Variants in ELAC2 observed in about 807,000 individuals in gnomAD.
ELAC2 encodes zinc phosphodiesterase ELAC protein 2.
Under a neutral mutation model 105.2 loss-of-function variants are expected in ELAC2, and 92 were observed. The ratio of observed to expected loss-of-function variants is 0.87; its 90% confidence interval spans 0.74 to 1.04. ELAC2 has a LOEUF of 1.04. Among genes scored for constraint, ELAC2 ranks in the 50% least tolerant of loss-of-function variants. The probability of loss-of-function intolerance (pLI) is 0.00; values close to 1 mark genes in which losing one functional copy is unlikely to be tolerated. For missense variants in ELAC2, 1,099 were observed against 1,071.7 expected (o/e 1.03, Z -0.36); for synonymous variants, 468 against 409.1 (o/e 1.14, Z -1.74).
intron 6 of ELAC2, 145 bp downstream of exon 6, chr17:13,013,062 T>C: frequency 1.1e-6 from 1 of 882,340 alleles, no homozygotes. Context: ...AGGAGCCATA[T>C]CTTCATTCCT....
At chr17:13,006,982 G>A (rs1437585450) in intron 8 of ELAC2, among the ~76,000 whole-genome samples, 1 of 152,028 alleles carries the variant, frequency 6.6e-6, no homozygotes, top group African/African-American at 2.4e-5. Context: ...TTAGCCGGGT[G>A]TGGTGACGTG....
intron 17 of ELAC2, chr17:12,996,323 C>T: frequency 1.4e-6 from 1 of 700,478 alleles, no homozygotes; most frequent in Non-Finnish European, 2.4e-6. Flanking sequence ...TGGGTAAACT[C>T]AAACCTGTCC....
At chr17:12,995,147 C>T (rs2040407375) in intron 19 of ELAC2, 85 bp from the exon 20 acceptor site, 1 of 1,336,622 alleles carries the variant, frequency 7.5e-7, no homozygotes, top group South Asian at 1.2e-5. Context: ...CTGGAGAACC[C>T]CAAAATCATT....
In ELAC2 at chr17:13,002,614, G is replaced by C; in HGVS notation, c.1080-35C>G. 7 of 1,574,056 alleles carry C rather than the reference G, an allele frequency of 4.4e-6. No individual in the cohort carries two copies. The South Asian group carries it at 8.1e-5, about 18-fold the overall frequency. Reference sequence around the variant, plus strand: ...AACAGACCCGGCATTTGCAGCGTCTGTTAGGAGGCAGCTCCCCCTGAGGAG... The same window carrying C: ...AACAGACCCGGCATTTGCAGCGTCTCTTAGGAGGCAGCTCCCCCTGAGGAG... On this transcript the variant is annotated intron_variant, in intron 12 of 23. Coordinates refer to ENST00000338034, the MANE Select transcript of ELAC2 (RefSeq NM_018127.7).
At chr17:13,016,745 CAAAAAA>C in intron 3 of ELAC2, 111 bp downstream of exon 3, 163 of 647,932 alleles carry the variant, frequency 2.5e-4, no homozygotes, top group Non-Finnish European at 3.0e-4. Context: ...ACGCCACTGA[CAAAAAA>C]AAAAAAAAAA....
In ELAC2 at chr17:12,994,983, G is replaced by C. The variant is rs781680309; in HGVS notation, c.1888C>G (p.Arg630Gly). 6.2e-6 allele frequency: 10 copies of C among 1,614,136 alleles called. No individual in the cohort carries two copies. In the South Asian group the frequency reaches 1.1e-4, roughly 18 times the overall value. The change falls in exon 20 of 24, where the codon CGA becomes GGA. Residue 630 changes from arginine to glycine, a missense_variant. Coordinates refer to ENST00000338034, the MANE Select transcript of ELAC2 (RefSeq NM_018127.7). ...CTTACCTCTTCCAAATCACATGTTC[G>C]CAACAGCGAACTGATCAATCTTTCC... ...AVERLISSLL[R>G]TCDLEEFQTC... is the part of the protein sequence containing the mutation.
At position 13,010,664 on chromosome 17, in the gene ELAC2, G is replaced by T. The variant is rs2041368233; in HGVS notation, c.687C>A (p.Ser229Arg). ...ENEPHLPHGVSQRRGVRDSSL... is the reference protein window; with the variant it reads ...ENEPHLPHGVRQRRGVRDSSL... ...AAGAGTCCCTGACCCCTCTTCTCTG[G>T]CTAACACCTGAGGAAAAACACACTT... Residue 229 changes from serine to arginine, a missense_variant, in exon 8 of 24, where the codon AGC becomes AGA. Physicochemically the swap from Ser to Arg is moderately radical, Grantham distance 110 (BLOSUM62 -1). Coordinates refer to ENST00000338034, the MANE Select transcript of ELAC2 (RefSeq NM_018127.7). 1 of 1,613,910 alleles carries T rather than the reference G, an allele frequency of 6.2e-7. No homozygotes were observed. The highest frequency in any genetic ancestry group is 1.3e-5 in the African/African-American group (1 of 74,916).
At chr17:13,012,486 T>TG (rs1325817113) in intron 6 of ELAC2, among the ~76,000 whole-genome samples, 2 of 152,166 alleles carry the variant, frequency 1.3e-5, no homozygotes, top group Non-Finnish European at 2.9e-5. Flanking sequence ...TAGGAGCACT[T>TG]GTGCCATTGC....
chr17:13,013,432 A>G (rs1388084533), intron 5 of ELAC2, among the ~76,000 whole-genome samples, 157 bp from the exon 6 acceptor site: 1 of 152,224 alleles, frequency 6.6e-6, no homozygotes, highest in Non-Finnish European at 1.5e-5. Flanking sequence ...TACCATTTTT[A>G]GGAAATAAAT....
chr17:13,014,680 G>GA (rs751814995), intron 4 of ELAC2, among the ~76,000 whole-genome samples, 184 bp from the exon 5 acceptor site: 162 of 152,228 alleles, frequency 1.1e-3, no homozygotes, highest in Non-Finnish European at 1.8e-3. Flanking sequence ...GATATAGCAG[G>GA]AAAAAGAGAT....
At position 12,992,378 on chromosome 17, in the gene ELAC2, A is replaced by G. The variant is rs1193677644; in HGVS notation, c.*440T>C. The G allele has an allele frequency of 2.8e-6, 1 of 358,334 alleles. No individual in the cohort carries two copies. The highest frequency in any genetic ancestry group is 2.0e-5 in the African/African-American group (1 of 49,064). The allele number at this position is 358,334 out of a possible 1,614,324, so 22.2% of individuals were successfully genotyped here. On this transcript the variant is annotated 3_prime_UTR_variant, in exon 24 of 24. Transcript: ENST00000338034. ...TCTGTAGCAGCAGCAGGAGGAAGCA[A>G]AAGAACTCACAATTGCAAACTCAAT...
In ELAC2 at chr17:12,992,987, A is replaced by G; in HGVS notation, c.2312T>C (p.Phe771Ser). 1 of 1,607,558 alleles carries G rather than the reference A, an allele frequency of 6.2e-7. No individual in the cohort carries two copies. The highest frequency in any genetic ancestry group is 8.5e-7 in the Non-Finnish European group (1 of 1,178,232). Residue 771 changes from phenylalanine to serine, a missense_variant, in exon 24 of 24, where the codon TTT becomes TCT. Phe to Ser is a radical substitution (Grantham distance 155). Transcript: ENST00000338034. ...CTCCATCTCCTCGATGTCGCCAGCA[A>G]ACAGGGCTTTCAGTGGGGGAATCAG... ...PKLIPPLKALFAGDIEEMEER... is the reference protein window; with the variant it reads ...PKLIPPLKALSAGDIEEMEER...
intron 8 of ELAC2, chr17:13,006,232 T>C: frequency 2.2e-6 from 1 of 452,500 alleles, no homozygotes; most frequent in Non-Finnish European, 4.1e-6. Flanking sequence ...TGGCCAGGCG[T>C]GGTGGCACGT....
At chr17:12,997,913 T>C (rs1488580523) in intron 16 of ELAC2, among the ~76,000 whole-genome samples, 1 of 152,176 alleles carries the variant, frequency 6.6e-6, no homozygotes, top group African/African-American at 2.4e-5. Context: ...ATAAAGGTTC[T>C]GAACACAAAT....
intron 4 of ELAC2, 39 bp downstream of exon 4, chr17:13,015,729 G>GA (rs1444917559): frequency 6.4e-7 from 1 of 1,560,934 alleles, no homozygotes; most frequent in Admixed American, 1.7e-5. Flanking sequence ...ATTACAAAAG[G>GA]AAAGATTGCT....
At chr17:13,015,315 C>T (rs1224830264) in intron 4 of ELAC2, among the ~76,000 whole-genome samples, 1 of 152,192 alleles carries the variant, frequency 6.6e-6, no homozygotes, top group Non-Finnish European at 1.5e-5. Flanking sequence ...TGACTTTCTT[C>T]TTAAGGACTG....
rs769609689 is a variant in ELAC2, at chr17:12,993,777, C to A, written c.2163G>T (p.Met721Ile). 1.9e-6 allele frequency: 3 copies of A among 1,614,154 alleles called. No homozygotes were observed. Among genetic ancestry groups the A allele is most frequent in the South Asian group, 2.2e-5 (2 of 91,078 alleles). Reference protein sequence around the residue: ...VGMRMNAEFIMLNHFSQRYAK... With the variant: ...VGMRMNAEFIILNHFSQRYAK... ...CATAGCGCTGGCTGAAGTGGTTCAG[C>A]ATAATGAACTCCGCGTTCATCCGCA... Residue 721 changes from methionine to isoleucine, a missense_variant, in exon 23 of 24, where the codon ATG becomes ATT. Transcript: ENST00000338034.
rs1488639384 is a variant in ELAC2, at chr17:13,016,861, C to T, written c.367+1G>A. On this transcript the variant is annotated splice_donor_variant, in intron 3 of 23. Coordinates refer to ENST00000338034, the MANE Select transcript of ELAC2 (RefSeq NM_018127.7). LOFTEE classifies it high-confidence loss of function. ...TCTGACACTGCAAAGAATATACTCA[C>T]CACTTAAGCCCCCAACATTAGACCA... 6.2e-7 allele frequency: 1 copy of T among 1,614,012 alleles called. No individual in the cohort carries two copies. Among genetic ancestry groups the T allele is most frequent in the Non-Finnish European group, 8.5e-7 (1 of 1,179,996 alleles).
intron 19 of ELAC2, 24 bp from the exon 20 acceptor site, chr17:12,995,086 AATG>A: frequency 1.2e-6 from 2 of 1,610,774 alleles, no homozygotes; most frequent in Non-Finnish European, 1.7e-6. Context: ...AAACATTTAA[AATG>A]ATAATAAACG....
Sources: allele counts gnomAD v4.1 joint callset (sites outside exome capture counted in the v4.1 genomes callset), GRCh38; gene constraint gnomAD v4.1.1; transcripts MANE v1.5; gene names NCBI Gene and HGNC (gene_info 2026-07-23, HGNC 2026-07-21).